PTPRD: variants seen among roughly 807,000 people sequenced by gnomAD.
PTPRD encodes protein tyrosine phosphatase receptor type D.
In PTPRD, 34 loss-of-function variants were observed where a neutral mutation model predicts 214.5. That is an observed-to-expected ratio of 0.16 (90% CI 0.12 to 0.21). The LOEUF (loss-of-function observed/expected upper bound fraction) is 0.21. PTPRD is among the 10% of genes least tolerant of loss of function. The pLI, the probability that PTPRD is intolerant of heterozygous loss-of-function variation, is 1.00. For synonymous variants in PTPRD, 1,128 were observed against 845.7 expected, an observed-to-expected ratio of 1.33 and a Z score of -5.79; for missense variants, 2,545 against 2,398.7, an observed-to-expected ratio of 1.06 and a Z score of -1.27.
At chr9:9,613,288 T>A (rs1403222738) in intron 7 of PTPRD, among the ~76,000 whole-genome samples, 1 of 151,772 alleles carries the variant, frequency 6.6e-6, no homozygotes, top group Non-Finnish European at 1.5e-5. Flanking sequence ...ACATAATTAA[T>A]GATAAATCTA....
chr9:9,063,868 A>G (rs1470074795), intron 10 of PTPRD, among the ~76,000 whole-genome samples: 3 of 152,176 alleles, frequency 2.0e-5, no homozygotes, highest in African/African-American at 7.2e-5. Flanking sequence ...AGATAAGTAC[A>G]TAGCTTACGT....
At chr9:10,140,701 C>T (rs915742477) in intron 3 of PTPRD, among the ~76,000 whole-genome samples, 1 of 152,058 alleles carries the variant, frequency 6.6e-6, no homozygotes, top group Non-Finnish European at 1.5e-5. Flanking sequence ...CCTTCTGAAA[C>T]TATTCCAATC....
chr9:10,324,701 C>A (rs992870353), intron 3 of PTPRD, among the ~76,000 whole-genome samples: 2 of 151,802 alleles, frequency 1.3e-5, no homozygotes, highest in African/African-American at 4.8e-5. Context: ...TATTGATCAC[C>A]CCGCCTTCAA....
At chr9:8,804,934 A>C (rs2096645672) in intron 11 of PTPRD, among the ~76,000 whole-genome samples, 1 of 152,162 alleles carries the variant, frequency 6.6e-6, no homozygotes, top group Non-Finnish European at 1.5e-5. Flanking sequence ...TTTGAAAGAG[A>C]ATCCTGGTGA....
At chr9:8,378,579 C>G (rs1434422913) in intron 37 of PTPRD, among the ~76,000 whole-genome samples, 1 of 151,992 alleles carries the variant, frequency 6.6e-6, no homozygotes, top group Non-Finnish European at 1.5e-5. Flanking sequence ...GTTGAAGATT[C>G]AAGAGAGAAA....
At chr9:9,817,001 C>A (rs1655625248) in intron 5 of PTPRD, among the ~76,000 whole-genome samples, 1 of 151,944 alleles carries the variant, frequency 6.6e-6, no homozygotes, top group African/African-American at 2.4e-5. Flanking sequence ...GTAACTACAG[C>A]ATTAGAAAAC....
At chr9:9,419,432 A>T (rs1022546101) in intron 8 of PTPRD, among the ~76,000 whole-genome samples, 14 of 151,768 alleles carry the variant, frequency 9.2e-5, no homozygotes, top group Admixed American at 2.6e-4. Context: ...GTTTTATTTT[A>T]GTTACTTGAT....
In PTPRD at chr9:9,087,878, CTTTTTTTTTTTTT is replaced by C. The variant is rs59824704; in HGVS notation, c.-142-69156_-142-69144del. ...TTATTTTCCACCAGAGCCCTAAACT[CTTTTTTTTTTTTT>C]TTTTTTTTTTTTTGAGACAGAGTCT... On this transcript the variant is annotated intron_variant, in intron 10 of 45. Transcript: ENST00000381196. 1.5e-4 allele frequency among the ~76,000 whole-genome samples: 10 copies of C among 68,648 alleles called. No homozygotes were observed. The South Asian group carries it at 1.8e-3, about 13-fold the overall frequency. The allele number at this position is 68,648 out of a possible 152,430, so 45.0% of individuals were successfully genotyped here.
intron 3 of PTPRD, among the ~76,000 whole-genome samples, chr9:10,281,545 G>A (rs1170578471): frequency 6.6e-6 from 1 of 152,092 alleles, no homozygotes; most frequent in Non-Finnish European, 1.5e-5. Flanking sequence ...TTAAGACTAG[G>A]CATTTTAATT....
intron 8 of PTPRD, among the ~76,000 whole-genome samples, chr9:9,488,195 T>G (rs1357470598): frequency 1.3e-5 from 2 of 152,200 alleles, no homozygotes; most frequent in African/African-American, 4.8e-5. Flanking sequence ...CCTTACACTA[T>G]TCACCTACAC....
rs2098498802 is a variant in PTPRD at position 10,097,160 on chromosome 9, G to C, written c.-544-63370C>G. Among the ~76,000 whole-genome samples, 2 of 143,672 alleles carry C rather than the reference G, an allele frequency of 1.4e-5. 1 individual carries two copies. Among genetic ancestry groups the C allele is most frequent in the African/African-American group, 5.0e-5 (2 of 40,252 alleles). The allele number at this position is 143,672 out of a possible 152,430, so 94.3% of individuals were successfully genotyped here. On this transcript the variant is annotated intron_variant, in intron 3 of 45. Transcript: ENST00000381196. ...CTGTAGCCTTGTAGTATAGTTTGAA[G>C]TCAGGTAACAGGATGCCTCCAGCTT...
At chr9:10,596,667 T>C (rs1365503611) in intron 2 of PTPRD, among the ~76,000 whole-genome samples, 1 of 151,582 alleles carries the variant, frequency 6.6e-6, no homozygotes, top group Non-Finnish European at 1.5e-5. Context: ...TAAACATCCC[T>C]AAGAGCTGGT....
intron 3 of PTPRD, among the ~76,000 whole-genome samples, chr9:10,162,732 CAT>C (rs920076439): frequency 2.2e-5 from 3 of 136,540 alleles, no homozygotes; most frequent in African/African-American, 5.3e-5. Context: ...TATACATGTA[CAT>C]ATATATATAC....
intron 5 of PTPRD, among the ~76,000 whole-genome samples, chr9:9,786,329 T>C (rs1427768525): frequency 1.3e-5 from 2 of 152,248 alleles, no homozygotes; most frequent in Non-Finnish European, 2.9e-5. Flanking sequence ...TACATTTGCA[T>C]GCATTTCATG....
intron 2 of PTPRD, among the ~76,000 whole-genome samples, chr9:10,476,219 G>A (rs1433992244): frequency 6.6e-6 from 1 of 152,112 alleles, no homozygotes; most frequent in Non-Finnish European, 1.5e-5. Context: ...TGACATGATT[G>A]TATATTTAGA....
intron 9 of PTPRD, among the ~76,000 whole-genome samples, chr9:9,305,839 G>T (rs1444307792): frequency 6.6e-6 from 1 of 152,146 alleles, no homozygotes; most frequent in African/African-American, 2.4e-5. Flanking sequence ...AAGTGAGGCA[G>T]CTGCAAGACA....
chr9:9,787,710 A>T (rs2098935558), intron 5 of PTPRD, among the ~76,000 whole-genome samples: 1 of 151,890 alleles, frequency 6.6e-6, no homozygotes, highest in Non-Finnish European at 1.5e-5. Context: ...AAGATTAAAG[A>T]CACAAAAGAA....
At chr9:8,847,399 C>G (rs762013759) in intron 11 of PTPRD, among the ~76,000 whole-genome samples, 8 of 152,012 alleles carry the variant, frequency 5.3e-5, no homozygotes, top group Non-Finnish European at 1.0e-4. Context: ...AAAGTACACC[C>G]TGCTTCATGC....
At chr9:10,170,194 T>C (rs1416204862) in intron 3 of PTPRD, among the ~76,000 whole-genome samples, 1 of 152,118 alleles carries the variant, frequency 6.6e-6, no homozygotes, top group Non-Finnish European at 1.5e-5. Context: ...CAGAATCTGA[T>C]CCTGAGCTGC....
Sources: gnomAD v4.1 joint callset for allele counts (sites outside exome capture counted in the v4.1 genomes callset) on GRCh38, gnomAD v4.1.1 for gene constraint, MANE v1.5 for transcripts, NCBI Gene and HGNC (gene_info 2026-07-23, HGNC 2026-07-21) for gene names.